Variants in TMTC2 observed in about 807,000 individuals in gnomAD.
TMTC2 encodes transmembrane O-mannosyltransferase targeting cadherins 2.
A neutral mutation model predicts 82.4 loss-of-function variants in TMTC2; 43 were observed. That is an observed-to-expected ratio of 0.52 (90% confidence interval 0.41 to 0.67). The LOEUF is 0.67. TMTC2 is among the 30% of genes least tolerant of loss of function. The pLI is 0.00. For missense variants in TMTC2, 919 were observed against 1,012.4 expected (o/e 0.91, Z 1.25); for synonymous variants, 408 against 381.9 (o/e 1.07, Z -0.80).
At chr12:83,066,722 CA>C (rs1307900615) in intron 11 of TMTC2, among the ~76,000 whole-genome samples, 1 of 151,740 alleles carries the variant, frequency 6.6e-6, no homozygotes, top group East Asian at 1.9e-4. Flanking sequence ...TAGATTATTT[CA>C]AAAGATCTGA....
intron 4 of TMTC2, among the ~76,000 whole-genome samples, chr12:82,935,803 A>G (rs1300167430): frequency 6.6e-6 from 1 of 152,152 alleles, no homozygotes. Flanking sequence ...AGATTTTGCT[A>G]CTATAAGTTA....
At chr12:82,955,948 A>C (rs1877590457) in intron 4 of TMTC2, among the ~76,000 whole-genome samples, 1 of 152,142 alleles carries the variant, frequency 6.6e-6, no homozygotes, top group South Asian at 2.1e-4. Context: ...TCTCCCCCAA[A>C]AGGCACTTTA....
At chr12:82,727,532 C>A (rs1874522701) in intron 1 of TMTC2, among the ~76,000 whole-genome samples, 1 of 151,880 alleles carries the variant, frequency 6.6e-6, no homozygotes, top group Non-Finnish European at 1.5e-5. Flanking sequence ...ACCAGCCTGA[C>A]CAACATGGTG....
intron 1 of TMTC2, among the ~76,000 whole-genome samples, chr12:82,704,567 A>G (rs1421687617): frequency 6.6e-6 from 1 of 152,192 alleles, no homozygotes; most frequent in African/African-American, 2.4e-5. Context: ...GTAACTCTGC[A>G]GTGGTAGTTG....
intron 4 of TMTC2, among the ~76,000 whole-genome samples, chr12:82,935,532 G>C (rs1313115683): frequency 6.6e-6 from 1 of 152,118 alleles, no homozygotes; most frequent in African/African-American, 2.4e-5. Flanking sequence ...TATAAGTATA[G>C]AGTTCACTTT....
chr12:82,917,527 T>A (rs1875068835), intron 3 of TMTC2, among the ~76,000 whole-genome samples: 1 of 152,124 alleles, frequency 6.6e-6, no homozygotes, highest in African/African-American at 2.4e-5. Context: ...TGTAAGCTCA[T>A]TTGTTATGAG....
In TMTC2 at chr12:83,030,922, TA is replaced by T. The variant is rs563284986; in HGVS notation, c.2152+44del. 1,353 of 1,407,710 alleles carry T rather than the reference TA, an allele frequency of 9.6e-4. 3 individuals carry two copies. The highest frequency in any genetic ancestry group is 1.2e-3 in the Non-Finnish European group (1,226 of 993,614). 87.2% of individuals were successfully genotyped at this position (1,407,710 alleles called of 1,614,324 possible). Reference sequence around the variant, plus strand: ...TTTTTTCCATGTCCCCCACATTTACTATTAATGTTGATATGAGATCTAGGCT... The same window carrying T: ...TTTTTTCCATGTCCCCCACATTTACTTTAATGTTGATATGAGATCTAGGCT... On this transcript the variant is annotated intron_variant, in intron 9 of 11. Transcript: ENST00000321196.
intron 1 of TMTC2, among the ~76,000 whole-genome samples, chr12:82,788,184 T>C (rs1193172621): frequency 1.3e-5 from 2 of 152,202 alleles, no homozygotes; most frequent in South Asian, 2.1e-4. Flanking sequence ...AATAAAAATA[T>C]GTATTATTTT....
At chr12:82,907,741 A>C (rs1486383093) in intron 3 of TMTC2, among the ~76,000 whole-genome samples, 2 of 152,194 alleles carry the variant, frequency 1.3e-5, no homozygotes, top group Non-Finnish European at 2.9e-5. Flanking sequence ...ATCACGGTTT[A>C]TATGCTAAAA....
At chr12:83,059,326 T>C (rs1168922907) in intron 10 of TMTC2, among the ~76,000 whole-genome samples, 1 of 151,820 alleles carries the variant, frequency 6.6e-6, no homozygotes, top group Non-Finnish European at 1.5e-5. Flanking sequence ...GCAAACACTG[T>C]AAAATGGGCA....
At chr12:82,876,031 T>TGGC (rs1356720020) in intron 2 of TMTC2, among the ~76,000 whole-genome samples, 6 of 74,124 alleles carry the variant, frequency 8.1e-5, no homozygotes, top group East Asian at 3.6e-4. Context: ...GTGGTGGCGG[T>TGGC]GGTGGTGGTG....
intron 3 of TMTC2, among the ~76,000 whole-genome samples, chr12:82,919,617 T>C (rs187386817): frequency 9.2e-5 from 14 of 152,206 alleles, no homozygotes; most frequent in Admixed American, 5.9e-4. Flanking sequence ...AAGCAAGTTA[T>C]CTACTTCAAA....
At chr12:82,824,765 T>C (rs1869312172) in intron 1 of TMTC2, among the ~76,000 whole-genome samples, 1 of 152,178 alleles carries the variant, frequency 6.6e-6, no homozygotes, top group South Asian at 2.1e-4. Flanking sequence ...TAATTTTCCA[T>C]GGGAGTATTT....
intron 2 of TMTC2, among the ~76,000 whole-genome samples, chr12:82,874,356 A>T (rs867524090): frequency 1.4e-4 from 22 of 152,202 alleles, no homozygotes; most frequent in African/African-American, 5.3e-4. Context: ...ATGCTTCAGG[A>T]CCAAATTGCA....
chr12:82,809,895 G>A (rs79432969), intron 1 of TMTC2, among the ~76,000 whole-genome samples: 2,261 of 152,166 alleles, frequency 0.015, 32 homozygotes, highest in Non-Finnish European at 0.021. Context: ...TTCATCAGCC[G>A]TTTTTTATTT....
chr12:82,744,581 T>TTAAAAAAA (rs573645480), intron 1 of TMTC2, among the ~76,000 whole-genome samples: 1 of 115,500 alleles, frequency 8.7e-6, no homozygotes, highest in Non-Finnish European at 1.7e-5. Flanking sequence ...ACTCTGACTC[T>TTAAAAAAA]AAAAAAAAAA....
intron 1 of TMTC2, among the ~76,000 whole-genome samples, chr12:82,848,528 T>C (rs1196833693): frequency 6.6e-6 from 1 of 152,138 alleles, no homozygotes; most frequent in Non-Finnish European, 1.5e-5. Flanking sequence ...GGGCTCTATT[T>C]TGCTCATCAT....
intron 2 of TMTC2, among the ~76,000 whole-genome samples, chr12:82,871,681 CTGTGTGTGTGTGTGTG>C (rs10662218): frequency 1.4e-5 from 2 of 142,102 alleles, no homozygotes; most frequent in South Asian, 2.3e-4. Flanking sequence ...CTCTGCTCAT[CTGTGTGTGTGTGTGTG>C]TGTGTGTGTG....
chr12:82,971,995 C>A (rs1021519084), intron 7 of TMTC2, among the ~76,000 whole-genome samples: 3 of 152,116 alleles, frequency 2.0e-5, no homozygotes, highest in African/African-American at 7.2e-5. Context: ...AATACTATTA[C>A]TCTAACCTTG....
Sources: allele counts gnomAD v4.1 joint callset (sites outside exome capture counted in the v4.1 genomes callset), GRCh38; gene constraint gnomAD v4.1.1; transcripts MANE v1.5; gene names NCBI Gene and HGNC (gene_info 2026-07-23, HGNC 2026-07-21).